MYO5A: variants seen among roughly 807,000 people sequenced by gnomAD.
The protein encoded by MYO5A is myosin VA, also known as unconventional myosin-Va.
Under a neutral mutation model 249.7 loss-of-function variants are expected in MYO5A, and 98 were observed. The ratio of observed to expected loss-of-function variants is 0.39; its 90% CI spans 0.33 to 0.46. MYO5A has a LOEUF of 0.46. Ranked by LOEUF, MYO5A falls within the 20% of genes least tolerant of loss-of-function variation. MYO5A has a pLI of 0.98. For missense variants in MYO5A, 1,696 were observed against 2,308.8 expected (o/e 0.73, Z 5.44); for synonymous variants, 778 against 810.6 (o/e 0.96, Z 0.68).
intron 14 of MYO5A, 122 bp downstream of exon 14, chr15:52,387,707 A>T (rs2042026951): frequency 1.3e-6 from 1 of 742,444 alleles, no homozygotes; most frequent in South Asian, 1.6e-5. Flanking sequence ...CTAACATACT[A>T]AGTGTTATAT....
At chr15:52,507,586 G>A (rs1256378360) in intron 1 of MYO5A, among the ~76,000 whole-genome samples, 4 of 152,150 alleles carry the variant, frequency 2.6e-5, no homozygotes, top group Non-Finnish European at 5.9e-5. Context: ...GGGAGGCCAA[G>A]GCAGGAGGAT....
chr15:52,405,540 T>C, intron 8 of MYO5A, 147 bp from the exon 9 acceptor site: 1 of 709,888 alleles, frequency 1.4e-6, no homozygotes. Context: ...AACACTTTCA[T>C]CTTTGTTGAC....
At chr15:52,335,616 C>T (rs1370608257) in intron 34 of MYO5A, among the ~76,000 whole-genome samples, 1 of 151,150 alleles carries the variant, frequency 6.6e-6, no homozygotes, top group Non-Finnish European at 1.5e-5. Flanking sequence ...CATAAACACA[C>T]TAATAGAAAA....
chr15:52,470,821 G>A (rs1469313054), intron 1 of MYO5A, among the ~76,000 whole-genome samples: 1 of 151,940 alleles, frequency 6.6e-6, no homozygotes, highest in African/African-American at 2.4e-5. Flanking sequence ...TCAGGCATTC[G>A]AGACCAGGCT....
At chr15:52,487,595 G>A (rs963992978) in intron 1 of MYO5A, among the ~76,000 whole-genome samples, 4 of 151,130 alleles carry the variant, frequency 2.6e-5, no homozygotes, top group Admixed American at 1.3e-4. Flanking sequence ...ATGGTGACAG[G>A]TGCCTATAAT....
intron 1 of MYO5A, among the ~76,000 whole-genome samples, chr15:52,519,979 T>C (rs1170027718): frequency 6.6e-6 from 1 of 152,174 alleles, no homozygotes; most frequent in Non-Finnish European, 1.5e-5. Flanking sequence ...TCCGCCCGCC[T>C]TGGCCTCCCA....
intron 11 of MYO5A, among the ~76,000 whole-genome samples, chr15:52,392,278 T>C (rs1450035290): frequency 5.3e-5 from 8 of 152,208 alleles, no homozygotes. Context: ...TAAATCTAGG[T>C]ATATAAATAT....
At chr15:52,388,421 G>A (rs2042062503) in intron 13 of MYO5A, among the ~76,000 whole-genome samples, 1 of 152,156 alleles carries the variant, frequency 6.6e-6, no homozygotes, top group Non-Finnish European at 1.5e-5. Flanking sequence ...CTTGAGAATG[G>A]ACTATTTCTT....
At chr15:52,464,113 T>C (rs1288286885) in intron 1 of MYO5A, among the ~76,000 whole-genome samples, 2 of 152,136 alleles carry the variant, frequency 1.3e-5, no homozygotes, top group African/African-American at 4.8e-5. Flanking sequence ...CCTCAGAGAG[T>C]TGTGATGCAG....
chr15:52,424,785 C>A (rs1161540693), intron 4 of MYO5A, among the ~76,000 whole-genome samples: 1 of 152,160 alleles, frequency 6.6e-6, no homozygotes, highest in East Asian at 1.9e-4. Context: ...TATTCTTCTA[C>A]ACATTCACAG....
chr15:52,435,265 CTTTTT>C (rs35456308), intron 1 of MYO5A, among the ~76,000 whole-genome samples: 1 of 113,718 alleles, frequency 8.8e-6, no homozygotes, highest in African/African-American at 3.4e-5. Flanking sequence ...ACGTTAACCT[CTTTTT>C]TTTTTTTTTT....
At chr15:52,505,956 G>C (rs1053014529) in intron 1 of MYO5A, 1 of 1,125,982 alleles carries the variant, frequency 8.9e-7, no homozygotes, top group Non-Finnish European at 1.2e-6. Flanking sequence ...GCTCATACCT[G>C]TAATCCCATC....
intron 1 of MYO5A, among the ~76,000 whole-genome samples, chr15:52,497,050 C>T (rs1184990406): frequency 6.6e-6 from 1 of 152,200 alleles, no homozygotes; most frequent in African/African-American, 2.4e-5. Flanking sequence ...CAACTTCCAC[C>T]TCTCAGGCTC....
At chr15:52,450,077 C>T (rs2049519) in intron 1 of MYO5A, among the ~76,000 whole-genome samples, 22,853 of 151,924 alleles carry the variant, frequency 0.15, 1,825 homozygotes, top group Middle Eastern at 0.22. Flanking sequence ...CCCTGGTACT[C>T]GAGAGGCTTA....
At chr15:52,359,776 T>TA (rs2040426188) in intron 25 of MYO5A, among the ~76,000 whole-genome samples, 192 bp downstream of exon 25, 1 of 152,186 alleles carries the variant, frequency 6.6e-6, no homozygotes, top group South Asian at 2.1e-4. Context: ...ATGCAATAGG[T>TA]ATGTATGTAC....
chr15:52,403,826 A>G (rs915083705), intron 9 of MYO5A, among the ~76,000 whole-genome samples: 9 of 152,132 alleles, frequency 5.9e-5, no homozygotes, highest in Non-Finnish European at 1.0e-4. Context: ...GGGGGAGGGG[A>G]GGAGGAATCA....
rs903353222 is a variant in MYO5A at position 52,524,553 on chromosome 15, C to A, written c.27+4227G>T. The stretch of plus-strand genomic sequence containing the variant: ...TGGACAACAGAGTGAGACCCTGAAC[C>A]TAAATAAATAAATAAATAAATAAAT... On this transcript the variant is annotated intron_variant, in intron 1 of 41. Transcript: ENST00000399233. Among the ~76,000 whole-genome samples, 7 of 140,950 alleles carry A rather than the reference C, an allele frequency of 5.0e-5. No individual in the cohort carries two copies. The South Asian group carries it at 1.4e-3, about 28-fold the overall frequency. 92.5% of individuals were successfully genotyped at this position (140,950 alleles called of 152,430 possible). A position where few individuals can be genotyped will look rare whatever the true frequency, so the allele number is the denominator to read the frequency against.
chr15:52,356,995 T>G (rs1247195129), intron 25 of MYO5A, among the ~76,000 whole-genome samples: 1 of 151,942 alleles, frequency 6.6e-6, no homozygotes, highest in African/African-American at 2.4e-5. Context: ...ACTTTTTCTT[T>G]CTGCCTACTT....
At chr15:52,357,591 A>ATGC (rs1320526411) in intron 25 of MYO5A, among the ~76,000 whole-genome samples, 4 of 152,214 alleles carry the variant, frequency 2.6e-5, no homozygotes, top group African/African-American at 9.6e-5. Flanking sequence ...GAAGATCACA[A>ATGC]AAGATTACAT....
Sources: gnomAD v4.1 joint callset for allele counts (sites outside exome capture counted in the v4.1 genomes callset) on GRCh38, gnomAD v4.1.1 for gene constraint, MANE v1.5 for transcripts, NCBI Gene and HGNC (gene_info 2026-07-23, HGNC 2026-07-21) for gene names.